Variants in STPG1 observed in about 807,000 individuals in gnomAD.
STPG1 encodes O(6)-methylguanine-induced apoptosis 2.
STPG1 carries 33 observed loss-of-function variants against 40.1 expected under a neutral mutation model. The observed-to-expected ratio is 0.82, with a 90% confidence interval of 0.62 to 1.10. The LOEUF (loss-of-function observed/expected upper bound fraction) is 1.10, where lower values mean the gene tolerates loss of function less well. Ranked by LOEUF, STPG1 falls within the 50% of genes least tolerant of loss-of-function variation. The pLI is 0.00. For synonymous variants in STPG1, 150 were observed against 155.0 expected (o/e 0.97, Z 0.24); for missense variants, 396 against 415.1 (o/e 0.95, Z 0.40).
chr1:24,373,273 A>C (rs1641838043), intron 6 of STPG1, among the ~76,000 whole-genome samples: 1 of 152,182 alleles, frequency 6.6e-6, no homozygotes, highest in African/African-American at 2.4e-5. Flanking sequence ...TGGATGATGA[A>C]GTCACCTCTA....
chr1:24,364,350 C>T (rs1189846276), intron 7 of STPG1: 6 of 1,546,168 alleles, frequency 3.9e-6, no homozygotes, highest in Admixed American at 2.0e-5. Flanking sequence ...ACAGCCTGCA[C>T]TTCACTGTAA....
At chr1:24,370,523 G>A (rs1243075223) in intron 6 of STPG1, among the ~76,000 whole-genome samples, 3 of 151,442 alleles carry the variant, frequency 2.0e-5, no homozygotes, top group Non-Finnish European at 4.4e-5. Context: ...ACAGAGTCTC[G>A]CTCTGTCGCC....
intron 1 of STPG1, among the ~76,000 whole-genome samples, chr1:24,401,741 G>A (rs565940625): frequency 3.9e-5 from 6 of 152,020 alleles, no homozygotes; most frequent in Non-Finnish European, 7.4e-5. Context: ...CACCCAGGCC[G>A]GAGTGTAATG....
At position 24,358,446 on chromosome 1, in the gene STPG1, G is replaced by A. The variant is rs776936959; in HGVS notation, c.*97C>T. On this transcript the variant is annotated 3_prime_UTR_variant, in exon 9 of 9. Coordinates refer to ENST00000337248, the MANE Select transcript of STPG1 (RefSeq NM_001199013.2). ...AGAGCCACCCCCCAAGTTGTCAGCTGCCACACTCATGATCGGTCTCCTCCT... is the reference window on the plus strand; with the variant it reads ...AGAGCCACCCCCCAAGTTGTCAGCTACCACACTCATGATCGGTCTCCTCCT... 1 of 1,048,530 alleles carries A rather than the reference G, an allele frequency of 9.5e-7. No homozygotes were observed. Among genetic ancestry groups the A allele is most frequent in the South Asian group, 1.3e-5 (1 of 79,462 alleles). The allele number at this position is 1,048,530 out of a possible 1,614,324, so 65.0% of individuals were successfully genotyped here. A position where few individuals can be genotyped will look rare whatever the true frequency, so the allele number is the denominator to read the frequency against.
chr1:24,366,468 T>C (rs1287491206), intron 7 of STPG1, among the ~76,000 whole-genome samples: 1 of 152,244 alleles, frequency 6.6e-6, no homozygotes, highest in East Asian at 1.9e-4. Context: ...GTCTTTTCTT[T>C]TCATTACATC....
rs2148685602 is a variant in STPG1 at position 24,369,850 on chromosome 1, A to T, written c.572-11T>A. 1 of 1,577,062 alleles carries T rather than the reference A, an allele frequency of 6.3e-7. No homozygotes were observed. Among genetic ancestry groups the T allele is most frequent in the East Asian group, 2.3e-5 (1 of 44,262 alleles). On this transcript the variant is annotated splice_polypyrimidine_tract_variant and intron_variant, in intron 6 of 8. Transcript: ENST00000337248. ...TGATATCATAATGCCCTAAGGAGAA[A>T]GAAATTTTAGGACAGAATAAGGAAC...
chr1:24,410,545 A>G (rs4648980), intron 1 of STPG1, among the ~76,000 whole-genome samples: 91,219 of 152,100 alleles, frequency 0.6, 27,381 homozygotes, highest in East Asian at 0.77. Flanking sequence ...GGAGGTGAAG[A>G]TTGCAGTGAG....
At chr1:24,369,218 G>T (rs1641611540) in intron 7 of STPG1, 10 of 391,052 alleles carry the variant, frequency 2.6e-5, no homozygotes, top group South Asian at 1.8e-4. Flanking sequence ...GAGCTTGACT[G>T]CTTCTGAATG....
intron 6 of STPG1, 72 bp downstream of exon 6, chr1:24,373,630 A>G (rs758883889): frequency 2.0e-6 from 2 of 1,005,374 alleles, no homozygotes; most frequent in Non-Finnish European, 3.2e-6. Context: ...CCTGTGAAGA[A>G]GTAGGTGCCC....
chr1:24,403,692 CTAAG>C (rs1266068083), intron 1 of STPG1, among the ~76,000 whole-genome samples: 14 of 151,900 alleles, frequency 9.2e-5, no homozygotes, highest in Non-Finnish European at 2.9e-5. Context: ...AAACTGATTC[CTAAG>C]TATTTCATAT....
At chr1:24,371,590 C>CA (rs11348704) in intron 6 of STPG1, among the ~76,000 whole-genome samples, 2,257 of 108,028 alleles carry the variant, frequency 0.021, 23 homozygotes, top group African/African-American at 0.031. Context: ...GACTCCCTCT[C>CA]AAAAAAAAAA....
intron 7 of STPG1, among the ~76,000 whole-genome samples, chr1:24,365,055 C>A (rs1641366969): frequency 6.6e-6 from 1 of 152,162 alleles, no homozygotes; most frequent in Middle Eastern, 3.2e-3. Flanking sequence ...TAAAGGGCAG[C>A]CGATTGCCTC....
At chr1:24,398,983 G>A (rs1370541327) in intron 2 of STPG1, among the ~76,000 whole-genome samples, 1 of 151,950 alleles carries the variant, frequency 6.6e-6, no homozygotes, top group Non-Finnish European at 1.5e-5. Flanking sequence ...TAAGCTGATT[G>A]TAAAATTTGT....
rs537276257 is a variant in STPG1, at chr1:24,391,846, C to T, written c.71-167G>A. 26 of 1,332,562 alleles carry T rather than the reference C, an allele frequency of 2.0e-5. No homozygotes were observed. In the East Asian group the frequency reaches 4.4e-4, roughly 23 times the overall value. The allele number at this position is 1,332,562 out of a possible 1,614,324, so 82.5% of individuals were successfully genotyped here. On this transcript the variant is annotated intron_variant, in intron 2 of 8. Transcript: ENST00000337248. ...ACCGGATTAAAAAAAAAATTCCCCA[C>T]TTTCTTTCCCTCTCGGCAATTTATC...
intron 2 of STPG1, among the ~76,000 whole-genome samples, chr1:24,393,284 G>A (rs1557455178): frequency 6.6e-6 from 1 of 152,174 alleles, no homozygotes; most frequent in Non-Finnish European, 1.5e-5. Context: ...AAAAGGAGCT[G>A]AATACGTGTT....
At chr1:24,397,206 C>T (rs12059130) in intron 2 of STPG1, among the ~76,000 whole-genome samples, 2,235 of 152,036 alleles carry the variant, frequency 0.015, 61 homozygotes, top group African/African-American at 0.051. Flanking sequence ...GATAAAACTG[C>T]GAGAAAAAAT....
At chr1:24,379,172 A>G (rs1299624513) in intron 5 of STPG1, 1 of 161,138 alleles carries the variant, frequency 6.2e-6, no homozygotes, top group Non-Finnish European at 1.4e-5. Context: ...TCCTGAGTCC[A>G]TCTCTTAACC....
chr1:24,387,650 A>C (rs1481715229), intron 3 of STPG1, among the ~76,000 whole-genome samples: 1 of 152,126 alleles, frequency 6.6e-6, no homozygotes. Context: ...GATTTAGCTC[A>C]TGGGGTTATT....
chr1:24,386,847 A>C (rs899523982), intron 3 of STPG1, among the ~76,000 whole-genome samples: 2 of 152,152 alleles, frequency 1.3e-5, no homozygotes, highest in Admixed American at 6.5e-5. Flanking sequence ...ACAAAACAAA[A>C]ACATGTATGG....
Sources: allele counts gnomAD v4.1 joint callset (sites outside exome capture counted in the v4.1 genomes callset), GRCh38; gene constraint gnomAD v4.1.1; transcripts MANE v1.5; gene names NCBI Gene and HGNC (gene_info 2026-07-23, HGNC 2026-07-21).